Variants in UBASH3B observed in about 807,000 individuals in gnomAD.
UBASH3B encodes the protein ubiquitin associated and SH3 domain containing B, also known as ubiquitin-associated and SH3 domain-containing protein B.
Under a neutral mutation model 83.4 loss-of-function variants are expected in UBASH3B, and 37 were observed. The ratio of observed to expected loss-of-function variants is 0.44; its 90% CI spans 0.34 to 0.58. UBASH3B has a LOEUF of 0.58. UBASH3B is among the 20% of genes least tolerant of loss of function. The probability of loss-of-function intolerance (pLI) is 0.01; values close to 1 mark genes in which losing one functional copy is unlikely to be tolerated. For missense variants in UBASH3B, 657 were observed against 827.2 expected (o/e 0.79, Z 2.52); for synonymous variants, 304 against 318.3 (o/e 0.96, Z 0.48).
chr11:122,728,103 G>T (rs377123222), intron 1 of UBASH3B, among the ~76,000 whole-genome samples: 1 of 152,186 alleles, frequency 6.6e-6, no homozygotes. Flanking sequence ...TTCCCAAGGT[G>T]CTGGTATTAC....
chr11:122,714,267 A>G (rs1158636387), intron 1 of UBASH3B, among the ~76,000 whole-genome samples: 2 of 152,226 alleles, frequency 1.3e-5, no homozygotes, highest in African/African-American at 2.4e-5. Context: ...ATTGCTGTCT[A>G]CAGTGTTGCC....
chr11:122,762,180 G>A (rs955142526), intron 1 of UBASH3B, among the ~76,000 whole-genome samples: 1 of 152,124 alleles, frequency 6.6e-6, no homozygotes, highest in African/African-American at 2.4e-5. Context: ...GAATCACCGT[G>A]CCCCTGGCTT....
At chr11:122,732,651 A>G (rs182790741) in intron 1 of UBASH3B, among the ~76,000 whole-genome samples, 3 of 152,286 alleles carry the variant, frequency 2.0e-5, no homozygotes, top group Admixed American at 2.0e-4. Context: ...TATAATGGAG[A>G]TGAAATCGTG....
At chr11:122,706,424 C>T (rs1193207021) in intron 1 of UBASH3B, among the ~76,000 whole-genome samples, 1 of 152,176 alleles carries the variant, frequency 6.6e-6, no homozygotes, top group Non-Finnish European at 1.5e-5. Flanking sequence ...GCACATCTGG[C>T]CATCTGTGGG....
chr11:122,808,110 G>A lies in UBASH3B; in HGVS notation c.1746G>A (p.Ala582=), dbSNP rs1861373457. The A allele has an allele frequency of 7.4e-6, 12 of 1,614,122 alleles. No individual in the cohort carries two copies. Among genetic ancestry groups the A allele is most frequent in the Admixed American group, 1.7e-5 (1 of 60,010 alleles). The change falls in exon 13 of 14, where the codon GCG becomes GCA. Residue 582 remains alanine, a synonymous_variant. Coordinates refer to ENST00000284273, the MANE Select transcript of UBASH3B (RefSeq NM_032873.5). ...LIVAHASSLE[A]CTCQLQGLSP... ...TGGCCCACGCATCTTCCCTTGAAGC[G>A]TGTACCTGCCAACTTCAGGGCCTGT...
At chr11:122,781,471 A>G (rs1276922596) in intron 4 of UBASH3B, among the ~76,000 whole-genome samples, 2 of 152,234 alleles carry the variant, frequency 1.3e-5, no homozygotes, top group Non-Finnish European at 2.9e-5. Flanking sequence ...CTTGGAGTGC[A>G]TACTGAGTGA....
intron 1 of UBASH3B, among the ~76,000 whole-genome samples, chr11:122,679,137 G>A (rs1267088274): frequency 6.6e-6 from 1 of 152,188 alleles, no homozygotes; most frequent in Non-Finnish European, 1.5e-5. Flanking sequence ...TGCCACTGGA[G>A]CTGAGGTTGG....
Position 122,811,384 on chromosome 11 carries a change from A to G in UBASH3B, c.*1498A>G, listed in dbSNP as rs1861446246. On this transcript the variant is annotated 3_prime_UTR_variant, in exon 14 of 14. Coordinates refer to ENST00000284273, the MANE Select transcript of UBASH3B (RefSeq NM_032873.5). ...AGATGCATAAAACGTAAGGTATATA[A>G]AAATACATCTATGCTTGCGTTTGAA... The G allele has an allele frequency of 6.6e-6, 1 of 152,308 alleles. No individual in the cohort carries two copies. The highest frequency in any genetic ancestry group is 6.5e-5 in the Admixed American group (1 of 15,278). The allele number at this position is 152,308 out of a possible 1,614,324, so 9.4% of individuals were successfully genotyped here. A position where few individuals can be genotyped will look rare whatever the true frequency, so the allele number is the denominator to read the frequency against.
intron 1 of UBASH3B, among the ~76,000 whole-genome samples, chr11:122,753,132 A>G (rs1861224945): frequency 6.6e-6 from 1 of 151,082 alleles, no homozygotes; most frequent in South Asian, 2.1e-4. Context: ...AAGTATGAAC[A>G]CTAGAAAAAA....
intron 1 of UBASH3B, among the ~76,000 whole-genome samples, chr11:122,707,272 C>A (rs77928142): frequency 0.03 from 4,601 of 152,264 alleles, 85 homozygotes; most frequent in Middle Eastern, 0.048. Context: ...TCTCCTGTCC[C>A]AGAAGAACAG....
At chr11:122,711,037 G>C (rs1864184305) in intron 1 of UBASH3B, among the ~76,000 whole-genome samples, 1 of 152,234 alleles carries the variant, frequency 6.6e-6, no homozygotes, top group South Asian at 2.1e-4. Flanking sequence ...GGGTTAGGAA[G>C]TGTGGGAGCC....
chr11:122,747,603 T>C (rs531374206), intron 1 of UBASH3B, among the ~76,000 whole-genome samples: 1 of 152,278 alleles, frequency 6.6e-6, no homozygotes, highest in South Asian at 2.1e-4. Context: ...TTATAAACAA[T>C]AGCATCTGCA....
intron 1 of UBASH3B, among the ~76,000 whole-genome samples, chr11:122,690,208 A>ATATATATC (rs1565530326): frequency 7.3e-5 from 2 of 27,224 alleles, no homozygotes; most frequent in Non-Finnish European, 1.5e-4. Context: ...ATATATATAT[A>ATATATATC]TCCAATTATA....
At chr11:122,665,332 C>G (rs532482233) in intron 1 of UBASH3B, among the ~76,000 whole-genome samples, 23 of 152,180 alleles carry the variant, frequency 1.5e-4, no homozygotes, top group Non-Finnish European at 3.1e-4. Context: ...TGTGCCCCAC[C>G]ACACCTGGAT....
At chr11:122,777,534 A>G (rs1241616669) in intron 3 of UBASH3B, among the ~76,000 whole-genome samples, 1 of 151,900 alleles carries the variant, frequency 6.6e-6, no homozygotes, top group Admixed American at 6.6e-5. Context: ...TACCCTCTCC[A>G]CTCTTACGAC....
intron 1 of UBASH3B, chr11:122,774,041 T>C (rs576872982): frequency 3.0e-6 from 3 of 985,252 alleles, no homozygotes; most frequent in South Asian, 4.7e-5. Context: ...GTTTTGTGCA[T>C]ACACGGCTTC....
chr11:122,659,326 G>T (rs1305733385), intron 1 of UBASH3B, among the ~76,000 whole-genome samples: 2 of 152,150 alleles, frequency 1.3e-5, no homozygotes, highest in African/African-American at 2.4e-5. Flanking sequence ...TTACCAAAGA[G>T]GTAACAAGAG....
At chr11:122,711,953 G>A (rs754874830) in intron 1 of UBASH3B, among the ~76,000 whole-genome samples, 18 of 151,740 alleles carry the variant, frequency 1.2e-4, no homozygotes, top group Non-Finnish European at 2.4e-4. Flanking sequence ...GGAATGTGCC[G>A]GGCATAAAGA....
At chr11:122,772,363 T>C (rs1378904899) in intron 1 of UBASH3B, among the ~76,000 whole-genome samples, 4 of 152,160 alleles carry the variant, frequency 2.6e-5, no homozygotes, top group Non-Finnish European at 5.9e-5. Flanking sequence ...GTACATCCCG[T>C]GATAATTCAG....
Sources: allele counts gnomAD v4.1 joint callset (sites outside exome capture counted in the v4.1 genomes callset), GRCh38; gene constraint gnomAD v4.1.1; transcripts MANE v1.5; gene names NCBI Gene and HGNC (gene_info 2026-07-23, HGNC 2026-07-21).